MAP3K15: variants seen among roughly 807,000 people sequenced by gnomAD.
The protein encoded by MAP3K15 is MAPK/ERK kinase kinase 15.
A neutral mutation model predicts 99.5 loss-of-function variants in MAP3K15; 124 were observed. The observed-to-expected ratio is 1.25, with a 90% CI of 1.08 to 1.45. MAP3K15 has a LOEUF of 1.45. Among genes scored for constraint, MAP3K15 ranks in the 40% most tolerant of loss-of-function variants. The pLI, the probability that MAP3K15 is intolerant of heterozygous loss-of-function variation, is 0.00. For missense variants in MAP3K15, 1,242 were observed against 1,079.7 expected (o/e 1.15, Z -2.11); for synonymous variants, 494 against 439.6 (o/e 1.12, Z -1.55).
chrX:19,369,304 G>T (rs1219957522), intron 24 of MAP3K15, 85 bp from the exon 25 acceptor site: 34 of 1,095,290 alleles, frequency 3.1e-5, no homozygotes, highest in Non-Finnish European at 4.3e-5. Flanking sequence ...AGCAAACCGG[G>T]CTGTTCAGAA....
intron 7 of MAP3K15, among the ~76,000 whole-genome samples, chrX:19,426,866 T>TTACACTA (rs1233459334): frequency 9.8e-6 from 1 of 101,875 alleles, no homozygotes; most frequent in Non-Finnish European, 1.9e-5. Flanking sequence ...ACACAGTAAC[T>TTACACTA]TACACTAGGG....
Position 19,415,276 on chromosome X carries a change from G to A in MAP3K15, c.1440-19C>T, listed in dbSNP as rs1312422966. 8.8e-7 allele frequency: 1 copy of A among 1,136,601 alleles called. No homozygotes were observed. Among genetic ancestry groups the A allele is most frequent in the South Asian group, 2.1e-5 (1 of 47,896 alleles). 93.7% of individuals were successfully genotyped at this position (1,136,601 alleles called of 1,213,427 possible). ...CAGGTACCTGGAAAAATCACAAACA[G>A]CAATATATTGGATTCCTAAAGAAAC... On this transcript the variant is annotated intron_variant, in intron 9 of 28. Coordinates refer to ENST00000338883, the MANE Select transcript of MAP3K15 (RefSeq NM_001001671.4).
chrX:19,503,865 G>A (rs138055664), intron 1 of MAP3K15, among the ~76,000 whole-genome samples: 1,386 of 109,494 alleles, frequency 0.013, 28 homozygotes, highest in African/African-American at 0.044. Context: ...CTGTAATCCC[G>A]GCACTTTGGA....
chrX:19,513,920 C>G (rs998457025), intron 1 of MAP3K15, among the ~76,000 whole-genome samples: 4 of 110,176 alleles, frequency 3.6e-5, no homozygotes, highest in Non-Finnish European at 5.7e-5. Flanking sequence ...AGGCTGGATT[C>G]TCAGGCACAT....
chrX:19,444,182 T>G (rs1484683174), intron 6 of MAP3K15, among the ~76,000 whole-genome samples: 4 of 112,165 alleles, frequency 3.6e-5, no homozygotes, highest in African/African-American at 1.3e-4. Flanking sequence ...GTTGTTAAAA[T>G]AATATTTAGT....
At chrX:19,430,384 A>T (rs2063871518) in intron 7 of MAP3K15, among the ~76,000 whole-genome samples, 1 of 111,516 alleles carries the variant, frequency 9.0e-6, no homozygotes, top group Non-Finnish European at 1.9e-5. Context: ...GGTCATTTGG[A>T]TCTTCCAGCC....
At chrX:19,407,016 A>C (rs969963142) in intron 13 of MAP3K15, among the ~76,000 whole-genome samples, 172 bp downstream of exon 13, 2 of 112,432 alleles carry the variant, frequency 1.8e-5, no homozygotes, top group Non-Finnish European at 3.8e-5. Context: ...GTGTATTTTA[A>C]ATGGCTGAAT....
At chrX:19,479,347 G>C (rs749916767) in intron 3 of MAP3K15, among the ~76,000 whole-genome samples, 1 of 110,844 alleles carries the variant, frequency 9.0e-6, no homozygotes, top group Admixed American at 9.6e-5. Context: ...CCCAACCCAA[G>C]ACAACTCAGA....
intron 13 of MAP3K15, among the ~76,000 whole-genome samples, chrX:19,401,539 G>T (rs1298399355): frequency 9.0e-6 from 1 of 111,402 alleles, no homozygotes; most frequent in Non-Finnish European, 1.9e-5. Context: ...GTTCAGAGGG[G>T]ATCTAATCAA....
At chrX:19,399,739 CAAAAAAAAAAA>C (rs777947449) in intron 14 of MAP3K15, among the ~76,000 whole-genome samples, 12 of 35,500 alleles carry the variant, frequency 3.4e-4, no homozygotes, top group Non-Finnish European at 8.1e-4. Context: ...ACTCTGTTTC[CAAAAAAAAAAA>C]AAAAAAAAAA....
intron 6 of MAP3K15, among the ~76,000 whole-genome samples, chrX:19,433,850 T>TG (rs1230980897): frequency 2.7e-5 from 3 of 112,149 alleles, no homozygotes; most frequent in Non-Finnish European, 3.8e-5. Flanking sequence ...GTTATGGCAC[T>TG]GCTTGTAATA....
chrX:19,503,724 G>T (rs753333428), intron 1 of MAP3K15, among the ~76,000 whole-genome samples: 1 of 110,683 alleles, frequency 9.0e-6, no homozygotes, highest in Non-Finnish European at 1.9e-5. Context: ...ATCACACCCG[G>T]CCATAGGATA....
intron 1 of MAP3K15, among the ~76,000 whole-genome samples, chrX:19,501,947 TCCCAA>T (rs749709570): frequency 1.2e-3 from 130 of 112,006 alleles, no homozygotes; most frequent in Middle Eastern, 4.6e-3. Flanking sequence ...ATGCCTGTAA[TCCCAA>T]CTACTTGGGA....
At chrX:19,385,994 T>C (rs7055792) in intron 18 of MAP3K15, among the ~76,000 whole-genome samples, 5,495 of 111,665 alleles carry the variant, frequency 0.049, 363 homozygotes, top group African/African-American at 0.17. Context: ...GAGAGATAAA[T>C]GCACACAACT....
intron 1 of MAP3K15, among the ~76,000 whole-genome samples, chrX:19,504,499 G>C (rs1011513910): frequency 1.8e-5 from 2 of 111,578 alleles, no homozygotes; most frequent in African/African-American, 6.5e-5. Context: ...AAAGAATCCA[G>C]AGATACCACC....
intron 28 of MAP3K15, 182 bp from the exon 29 acceptor site, chrX:19,361,015 T>A: frequency 2.4e-6 from 1 of 425,237 alleles, no homozygotes; most frequent in South Asian, 4.0e-5. Context: ...GAGAGCTGGC[T>A]ATTTCAAATG....
intron 18 of MAP3K15, among the ~76,000 whole-genome samples, chrX:19,384,751 A>G (rs1409433386): frequency 6.3e-5 from 4 of 63,575 alleles, no homozygotes; most frequent in African/African-American, 6.0e-4. Flanking sequence ...TCTCAGGGGA[A>G]AAAAAAAAAA....
chrX:19,386,585 T>C (rs1213640798), intron 18 of MAP3K15, among the ~76,000 whole-genome samples: 3 of 111,177 alleles, frequency 2.7e-5, no homozygotes, highest in Non-Finnish European at 5.7e-5. Flanking sequence ...CTTAGGTACC[T>C]ACACCAGTGC....
rs539064842 is a variant in MAP3K15 at position 19,425,574 on chromosome X, C to T, written c.1396G>A (p.Val466Ile). The change falls in exon 9 of 29, where the codon GTC becomes ATC. Residue 466 changes from valine to isoleucine, a missense_variant. By Grantham distance (29) the Val-to-Ile change is conservative. Transcript: ENST00000338883. ...SMLAHDVGKA[V>I]QAAERLFKLK... Reference sequence around the variant, plus strand: ...TTGAACAACCTCTCTGCTGCCTGGACGGCTTTCCCGACATCATGGGCCAGC... The same window carrying T: ...TTGAACAACCTCTCTGCTGCCTGGATGGCTTTCCCGACATCATGGGCCAGC... 56 of 1,197,210 alleles carry T rather than the reference C, an allele frequency of 4.7e-5. No homozygotes were observed. The African/African-American group carries it at 4.7e-4, about 10-fold the overall frequency.
Sources: gnomAD v4.1 joint callset for allele counts (sites outside exome capture counted in the v4.1 genomes callset) on GRCh38, gnomAD v4.1.1 for gene constraint, MANE v1.5 for transcripts, NCBI Gene and HGNC (gene_info 2026-07-23, HGNC 2026-07-21) for gene names.